The following GRIK2 variants were observed in gnomAD, a reference collection of about 807,000 sequenced individuals.
The protein encoded by GRIK2 is glutamate receptor ionotropic, kainate 2.
Under a neutral mutation model 100.3 loss-of-function variants are expected in GRIK2, and 32 were observed. That is an observed-to-expected ratio of 0.32 (90% CI 0.24 to 0.43). GRIK2 has a LOEUF of 0.43. GRIK2 is among the 20% of genes least tolerant of loss of function. The probability of loss-of-function intolerance (pLI) is 1.00; values close to 1 mark genes in which losing one functional copy is unlikely to be tolerated. For missense variants in GRIK2, 843 were observed against 1,114.9 expected, an observed-to-expected ratio of 0.76 and a Z score of 3.47; for synonymous variants, 417 against 389.4, an observed-to-expected ratio of 1.07 and a Z score of -0.83.
chr6:101,716,040 C>T (rs539938981), intron 7 of GRIK2, among the ~76,000 whole-genome samples: 1 of 151,874 alleles, frequency 6.6e-6, no homozygotes, highest in South Asian at 2.1e-4. Context: ...CTACCTGCTT[C>T]CCCTTCTATC....
chr6:101,491,905 G>A (rs1348719397), intron 2 of GRIK2, among the ~76,000 whole-genome samples: 3 of 147,828 alleles, frequency 2.0e-5, no homozygotes, highest in African/African-American at 7.3e-5. Flanking sequence ...ATATATGTGT[G>A]TATACATATA....
At chr6:101,497,059 C>G (rs2128271122) in intron 2 of GRIK2, among the ~76,000 whole-genome samples, 1 of 152,330 alleles carries the variant, frequency 6.6e-6, no homozygotes, top group South Asian at 2.1e-4. Flanking sequence ...GCTCCAGTCA[C>G]TCTGGTCTTT....
chr6:101,434,438 G>A (rs950189117), intron 2 of GRIK2, among the ~76,000 whole-genome samples: 2 of 152,084 alleles, frequency 1.3e-5, no homozygotes, highest in Admixed American at 1.3e-4. Flanking sequence ...GTAGGTGTCT[G>A]ATTCAGTGAA....
chr6:101,766,314 T>C (rs936020201), intron 7 of GRIK2, among the ~76,000 whole-genome samples: 2 of 152,106 alleles, frequency 1.3e-5, no homozygotes, highest in South Asian at 2.1e-4. Context: ...TTATTAAGTG[T>C]ATGTTTCTAA....
chr6:101,959,825 A>G (rs1265763678), intron 14 of GRIK2, among the ~76,000 whole-genome samples: 1 of 152,060 alleles, frequency 6.6e-6, no homozygotes, highest in African/African-American at 2.4e-5. Flanking sequence ...TAACCTAATA[A>G]CTATATGTGA....
intron 10 of GRIK2, among the ~76,000 whole-genome samples, chr6:101,824,881 G>T: frequency 6.6e-6 from 1 of 152,148 alleles, no homozygotes; most frequent in East Asian, 1.9e-4. Context: ...AATTTCCAAT[G>T]ACAATTGAAA....
At chr6:101,767,646 T>G (rs1778118835) in intron 7 of GRIK2, among the ~76,000 whole-genome samples, 1 of 152,102 alleles carries the variant, frequency 6.6e-6, no homozygotes, top group African/African-American at 2.4e-5. Flanking sequence ...AAACACAATA[T>G]GTGTGTGACT....
intron 2 of GRIK2, among the ~76,000 whole-genome samples, chr6:101,489,418 T>C (rs963537675): frequency 1.4e-5 from 2 of 146,034 alleles, no homozygotes; most frequent in Non-Finnish European, 3.0e-5. Flanking sequence ...AGCACCCATA[T>C]AGGCACTTTT....
chr6:101,728,726 TA>T (rs1775049022), intron 7 of GRIK2, among the ~76,000 whole-genome samples: 1 of 152,062 alleles, frequency 6.6e-6, no homozygotes, highest in South Asian at 2.1e-4. Context: ...TTGACTGAAA[TA>T]TCTATGACAA....
intron 2 of GRIK2, among the ~76,000 whole-genome samples, chr6:101,586,021 C>T (rs1449998780): frequency 6.6e-6 from 1 of 151,970 alleles, no homozygotes; most frequent in African/African-American, 2.4e-5. Flanking sequence ...TTAAAGCCAA[C>T]TCATTCACAT....
intron 10 of GRIK2, among the ~76,000 whole-genome samples, chr6:101,850,826 G>A (rs561016649): frequency 1.7e-3 from 257 of 152,182 alleles, no homozygotes; most frequent in Non-Finnish European, 2.8e-3. Flanking sequence ...AATCAGTTAA[G>A]TTGCCCAGGA....
At chr6:102,021,346 A>G (rs1158789465) in intron 14 of GRIK2, among the ~76,000 whole-genome samples, 1 of 151,550 alleles carries the variant, frequency 6.6e-6, no homozygotes, top group Non-Finnish European at 1.5e-5. Context: ...CTGAGGGTAA[A>G]CTAGTTCCTT....
chr6:101,474,176 G>A (rs933571560), intron 2 of GRIK2, among the ~76,000 whole-genome samples: 2 of 151,792 alleles, frequency 1.3e-5, no homozygotes, highest in African/African-American at 4.8e-5. Context: ...AAAGAACTTT[G>A]ATAATTTAGT....
At chr6:101,699,530 C>T (rs770165921) in intron 7 of GRIK2, among the ~76,000 whole-genome samples, 1 of 152,126 alleles carries the variant, frequency 6.6e-6, no homozygotes, top group Non-Finnish European at 1.5e-5. Flanking sequence ...AATGTGTTCT[C>T]TCACCTAACT....
intron 2 of GRIK2, among the ~76,000 whole-genome samples, chr6:101,404,659 C>G (rs1775503875): frequency 6.6e-6 from 1 of 152,160 alleles, no homozygotes; most frequent in South Asian, 2.1e-4. Flanking sequence ...CAGGAGATCC[C>G]TGATTTTCCT....
At chr6:101,856,218 G>A (rs1472037864) in intron 10 of GRIK2, among the ~76,000 whole-genome samples, 1 of 152,102 alleles carries the variant, frequency 6.6e-6, no homozygotes, top group African/African-American at 2.4e-5. Context: ...TATCAAATGA[G>A]CTAAAAGAAA....
intron 10 of GRIK2, among the ~76,000 whole-genome samples, chr6:101,838,992 T>C (rs548676854): frequency 6.6e-6 from 1 of 152,006 alleles, no homozygotes; most frequent in Non-Finnish European, 1.5e-5. Flanking sequence ...AATATGCTTT[T>C]TTTTTTAATT....
chr6:102,055,260 C>T (rs1771407948), intron 15 of GRIK2, 70 bp from the exon 16 acceptor site: 18 of 1,225,308 alleles, frequency 1.5e-5, no homozygotes, highest in Middle Eastern at 2.0e-4. Context: ...GCCCTCCTCT[C>T]ATCTTGCTAA....
At chr6:101,765,309 A>T (rs1346651760) in intron 7 of GRIK2, among the ~76,000 whole-genome samples, 1 of 152,076 alleles carries the variant, frequency 6.6e-6, no homozygotes, top group Non-Finnish European at 1.5e-5. Flanking sequence ...TATCTTGCTT[A>T]TGTTTATCTC....
Sources: gnomAD v4.1 joint callset for allele counts (sites outside exome capture counted in the v4.1 genomes callset) on GRCh38, gnomAD v4.1.1 for gene constraint, MANE v1.5 for transcripts, NCBI Gene and HGNC (gene_info 2026-07-23, HGNC 2026-07-21) for gene names.